MAGI1: variants seen among roughly 807,000 people sequenced by gnomAD.
The protein encoded by MAGI1 is membrane associated guanylate kinase, WW and PDZ domain containing 1.
Under a neutral mutation model 139.9 loss-of-function variants are expected in MAGI1, and 58 were observed. That is an observed-to-expected ratio of 0.41 (90% confidence interval 0.34 to 0.52). MAGI1 has a LOEUF of 0.52. Ranked by LOEUF, MAGI1 falls within the 20% of genes least tolerant of loss-of-function variation. The pLI is 0.12. For missense variants in MAGI1, 1,874 were observed against 1,901.6 expected (o/e 0.99, Z 0.27); for synonymous variants, 812 against 737.9 (o/e 1.10, Z -1.63).
intron 1 of MAGI1, among the ~76,000 whole-genome samples, chr3:65,929,975 TC>T (rs1484893933): frequency 2.6e-5 from 4 of 152,056 alleles, no homozygotes; most frequent in Non-Finnish European, 4.4e-5. Flanking sequence ...GGAAAATACT[TC>T]CCCTGTGTAT....
chr3:65,573,853 G>C (rs898382698), intron 2 of MAGI1, among the ~76,000 whole-genome samples: 5 of 152,096 alleles, frequency 3.3e-5, no homozygotes, highest in African/African-American at 1.2e-4. Flanking sequence ...AAATGTGGCA[G>C]TTTTGTTATT....
chr3:65,798,161 G>A lies in MAGI1; in HGVS notation c.314-176073C>T, dbSNP rs538466638. On this transcript the variant is annotated intron_variant, in intron 1 of 22. Transcript: ENST00000402939. ...TCTACTAAAAATACAAAAATTAGCT[G>A]GGCATGGTGGGGTGTGCCTGTAATC... is the stretch of plus-strand genomic sequence containing the variant. Among the ~76,000 whole-genome samples the A allele has an allele frequency of 2.6e-4, 39 of 151,616 alleles. 2 individuals are homozygous for A. The highest frequency in any genetic ancestry group is 1.9e-3 in the Admixed American group (29 of 15,204).
chr3:65,750,813 A>C (rs2036088404), intron 1 of MAGI1, among the ~76,000 whole-genome samples: 1 of 152,238 alleles, frequency 6.6e-6, no homozygotes, highest in South Asian at 2.1e-4. Flanking sequence ...CCTTGTAGGA[A>C]GGGCTCTTAC....
rs77992623 is a variant in MAGI1 at position 65,867,882 on chromosome 3, A to C, written c.313+170114T>G. 4.0e-3 allele frequency among the ~76,000 whole-genome samples: 602 copies of C among 152,232 alleles called. 4 individuals carry two copies. Among genetic ancestry groups the C allele is most frequent in the African/African-American group, 0.013 (533 of 41,552 alleles). ...GAATTCCACTCTGCACTGGAGACTC[A>C]GGGTCCAGGAGTCTGAGGAGGCGTC... On this transcript the variant is annotated intron_variant, in intron 1 of 22. Coordinates refer to ENST00000402939, the MANE Select transcript of MAGI1 (RefSeq NM_001033057.2).
chr3:65,815,827 G>A (rs1177807328), intron 1 of MAGI1, among the ~76,000 whole-genome samples: 1 of 151,988 alleles, frequency 6.6e-6, no homozygotes, highest in African/African-American at 2.4e-5. Flanking sequence ...TACACATGAA[G>A]TAACAAAAGC....
At chr3:65,612,203 T>C (rs1050962883) in intron 2 of MAGI1, among the ~76,000 whole-genome samples, 5 of 152,076 alleles carry the variant, frequency 3.3e-5, no homozygotes, top group African/African-American at 9.7e-5. Context: ...TATTTTTTGG[T>C]ATAGGTTGAT....
intron 1 of MAGI1, among the ~76,000 whole-genome samples, chr3:65,720,730 T>C (rs907867638): frequency 6.6e-6 from 1 of 152,058 alleles, no homozygotes; most frequent in African/African-American, 2.4e-5. Flanking sequence ...TATGCTCTTA[T>C]TCTTTTTTTG....
At chr3:65,594,113 G>T (rs910476712) in intron 2 of MAGI1, among the ~76,000 whole-genome samples, 3 of 152,102 alleles carry the variant, frequency 2.0e-5, no homozygotes, top group African/African-American at 4.8e-5. Context: ...CAACCGCCAT[G>T]GATGAAGAAA....
intron 13 of MAGI1, among the ~76,000 whole-genome samples, chr3:65,395,013 A>C (rs778205985): frequency 1.3e-5 from 2 of 152,176 alleles, no homozygotes; most frequent in Non-Finnish European, 2.9e-5. Flanking sequence ...TGTGCATACT[A>C]AGAACATGGA....
chr3:65,901,803 C>G (rs374346026), intron 1 of MAGI1, among the ~76,000 whole-genome samples: 119 of 152,294 alleles, frequency 7.8e-4, no homozygotes, highest in African/African-American at 2.8e-3. Flanking sequence ...ATGTATACAT[C>G]CCAGAATGCC....
chr3:65,762,248 G>A (rs931404642), intron 1 of MAGI1, among the ~76,000 whole-genome samples: 25 of 152,068 alleles, frequency 1.6e-4, no homozygotes, highest in Admixed American at 1.3e-3. Context: ...TCCTGAAGTG[G>A]GTCCCACTAA....
chr3:65,722,911 G>C (rs2033202304), intron 1 of MAGI1, among the ~76,000 whole-genome samples: 1 of 151,858 alleles, frequency 6.6e-6, no homozygotes, highest in Non-Finnish European at 1.5e-5. Context: ...GGAGGGGCTG[G>C]AGGGAACTTG....
Position 65,368,059 on chromosome 3 carries a change from C to G in MAGI1, c.3197-3113G>C, listed in dbSNP as rs143849544. Among the ~76,000 whole-genome samples, 244 of 152,072 alleles carry G rather than the reference C, an allele frequency of 1.6e-3. 1 individual carries two copies. The highest frequency in any genetic ancestry group is 5.7e-3 in the African/African-American group (237 of 41,492). On this transcript the variant is annotated intron_variant, in intron 18 of 22. Transcript: ENST00000402939. ...TTTACTTCTTCATTTGGAATTAAAC[C>G]AGGATTGTATTTGCTGAAATGCTCT...
chr3:65,448,303 T>C (rs767406976), intron 6 of MAGI1: 2 of 580,492 alleles, frequency 3.4e-6, no homozygotes, highest in Non-Finnish European at 6.1e-6. Context: ...CATGTCAAAA[T>C]AGGATTTGAT....
At chr3:65,501,528 A>C (rs2077083119) in intron 2 of MAGI1, among the ~76,000 whole-genome samples, 1 of 152,020 alleles carries the variant, frequency 6.6e-6, no homozygotes, top group Non-Finnish European at 1.5e-5. Context: ...AACCTATTAG[A>C]ATGGTTTAAA....
At chr3:65,965,961 T>A (rs890453489) in intron 1 of MAGI1, among the ~76,000 whole-genome samples, 15 of 152,166 alleles carry the variant, frequency 9.9e-5, no homozygotes, top group African/African-American at 3.1e-4. Context: ...CCAGTCACCC[T>A]CCTCTTTATA....
chr3:65,962,640 G>C (rs886080641), intron 1 of MAGI1, among the ~76,000 whole-genome samples: 4 of 151,742 alleles, frequency 2.6e-5, no homozygotes, highest in African/African-American at 9.7e-5. Flanking sequence ...TTCAAGACCA[G>C]CCTGGCCAAC....
intron 3 of MAGI1, 92 bp downstream of exon 3, chr3:65,493,420 C>T (rs1454451162): frequency 2.0e-6 from 3 of 1,519,114 alleles, no homozygotes; most frequent in Admixed American, 3.7e-5. Context: ...TTTAGACCTC[C>T]AGATTCCACA....
intron 2 of MAGI1, among the ~76,000 whole-genome samples, chr3:65,593,679 T>C (rs1035790435): frequency 6.6e-6 from 1 of 152,192 alleles, no homozygotes; most frequent in Non-Finnish European, 1.5e-5. Flanking sequence ...AATGACTGCA[T>C]AAGGTCAAAG....
Sources: gnomAD v4.1 joint callset for allele counts (sites outside exome capture counted in the v4.1 genomes callset) on GRCh38, gnomAD v4.1.1 for gene constraint, MANE v1.5 for transcripts, NCBI Gene and HGNC (gene_info 2026-07-23, HGNC 2026-07-21) for gene names.